NEGR1: variants seen among roughly 807,000 people sequenced by gnomAD.
The protein encoded by NEGR1 is IgLON family member 4.
Under a neutral mutation model 40.9 loss-of-function variants are expected in NEGR1, and 10 were observed. The observed-to-expected ratio is 0.24, with a 90% CI of 0.15 to 0.42. NEGR1 has a LOEUF of 0.42. Ranked by LOEUF, NEGR1 falls within the 10% of genes least tolerant of loss-of-function variation. The probability of loss-of-function intolerance (pLI) is 1.00; values close to 1 mark genes in which losing one functional copy is unlikely to be tolerated. For missense variants in NEGR1, 352 were observed against 438.9 expected (o/e 0.80, Z 1.77); for synonymous variants, 185 against 166.8 (o/e 1.11, Z -0.84).
chr1:71,995,303 C>T (rs541548729), intron 1 of NEGR1, among the ~76,000 whole-genome samples: 1 of 152,212 alleles, frequency 6.6e-6, no homozygotes, highest in Admixed American at 6.5e-5. Flanking sequence ...ACTTAAACCC[C>T]TTCGTGCCAT....
intron 1 of NEGR1, among the ~76,000 whole-genome samples, chr1:71,961,727 C>G (rs1646166704): frequency 6.6e-6 from 1 of 152,028 alleles, no homozygotes; most frequent in African/African-American, 2.4e-5. Context: ...AATCTTTCAT[C>G]TTATACCTCT....
chr1:72,016,524 A>G (rs1467932516), intron 1 of NEGR1, among the ~76,000 whole-genome samples: 1 of 152,182 alleles, frequency 6.6e-6, no homozygotes, highest in Non-Finnish European at 1.5e-5. Context: ...AATAGACTGG[A>G]AAGTTTTTAA....
At chr1:72,281,859 G>C (rs1656266462) in intron 1 of NEGR1, among the ~76,000 whole-genome samples, 1 of 152,108 alleles carries the variant, frequency 6.6e-6, no homozygotes, top group South Asian at 2.1e-4. Flanking sequence ...GAAAGATAAA[G>C]AGCAAGAAAT....
At chr1:72,069,990 G>A (rs1385019709) in intron 1 of NEGR1, among the ~76,000 whole-genome samples, 1 of 151,922 alleles carries the variant, frequency 6.6e-6, no homozygotes, top group African/African-American at 2.4e-5. Context: ...CACATGACCA[G>A]GCATGGTTCT....
At chr1:71,970,555 G>GGTGCCT (rs1646247453) in intron 1 of NEGR1, among the ~76,000 whole-genome samples, 1 of 152,016 alleles carries the variant, frequency 6.6e-6, no homozygotes, top group Non-Finnish European at 1.5e-5. Context: ...AGCCAGGCAT[G>GGTGCCT]GTAGTGCGTG....
At chr1:71,963,381 C>T (rs1262773914) in intron 1 of NEGR1, among the ~76,000 whole-genome samples, 1 of 152,138 alleles carries the variant, frequency 6.6e-6, no homozygotes, top group African/African-American at 2.4e-5. Context: ...AGAACTGTTA[C>T]TATTCACGTC....
At chr1:71,962,656 T>C (rs1005999557) in intron 1 of NEGR1, among the ~76,000 whole-genome samples, 8 of 152,098 alleles carry the variant, frequency 5.3e-5, no homozygotes, top group Non-Finnish European at 1.0e-4. Flanking sequence ...TATCTCATTA[T>C]AGCATTTACA....
intron 1 of NEGR1, among the ~76,000 whole-genome samples, chr1:72,244,502 C>A (rs530095008): frequency 2.0e-5 from 3 of 151,980 alleles, no homozygotes; most frequent in African/African-American, 7.2e-5. Context: ...TGTAAACACA[C>A]ACATATATAC....
chr1:72,149,386 A>C (rs1057018836), intron 1 of NEGR1, among the ~76,000 whole-genome samples: 22 of 152,180 alleles, frequency 1.4e-4, no homozygotes, highest in Non-Finnish European at 2.2e-4. Flanking sequence ...AAATCATATC[A>C]GTTCATAAAA....
intron 2 of NEGR1, among the ~76,000 whole-genome samples, chr1:71,792,144 G>A (rs1457616060): frequency 6.6e-6 from 1 of 152,058 alleles, no homozygotes; most frequent in African/African-American, 2.4e-5. Flanking sequence ...AGTTTCACAG[G>A]CCCAAATAAG....
chr1:72,204,239 T>C (rs1653314775), intron 1 of NEGR1, among the ~76,000 whole-genome samples: 1 of 152,060 alleles, frequency 6.6e-6, no homozygotes, highest in African/African-American at 2.4e-5. Flanking sequence ...ATCACAAAGA[T>C]TATTCAATTG....
intron 6 of NEGR1, among the ~76,000 whole-genome samples, chr1:71,423,714 A>G (rs941146947): frequency 2.0e-5 from 3 of 152,078 alleles, no homozygotes; most frequent in Non-Finnish European, 4.4e-5. Context: ...TCACATTATA[A>G]TTATCAAACT....
intron 1 of NEGR1, among the ~76,000 whole-genome samples, chr1:72,238,513 T>C (rs374887153): frequency 4.5e-4 from 69 of 151,956 alleles, no homozygotes; most frequent in South Asian, 4.1e-3. Context: ...GGGACCTTAA[T>C]GACAGCCCAC....
At chr1:72,072,772 T>C (rs1647525409) in intron 1 of NEGR1, among the ~76,000 whole-genome samples, 1 of 152,096 alleles carries the variant, frequency 6.6e-6, no homozygotes, top group Non-Finnish European at 1.5e-5. Context: ...GAAAGAGAAC[T>C]CCCTTTGTGT....
rs560010606 is a variant in NEGR1 at position 71,670,344 on chromosome 1, T to TTG, written c.667+27662_667+27663dup. ...TCTTTTGAAGATATTGTGTGTGTGT[T>TTG]TGTGTGTGTGTGTGGTTGTTTTTAA... On this transcript the variant is annotated intron_variant, in intron 4 of 6. Transcript: ENST00000357731. 6.4e-4 allele frequency among the ~76,000 whole-genome samples: 97 copies of TTG among 151,572 alleles called. No homozygotes were observed. In the East Asian group the frequency reaches 0.014, roughly 22 times the overall value.
At chr1:71,458,611 G>C (rs558486956) in intron 6 of NEGR1, among the ~76,000 whole-genome samples, 13 of 152,242 alleles carry the variant, frequency 8.5e-5, no homozygotes, top group African/African-American at 3.1e-4. Context: ...TGGAGGTTGG[G>C]ATTCCATCTC....
chr1:71,527,577 C>G (rs146105421), intron 6 of NEGR1, among the ~76,000 whole-genome samples: 2 of 151,650 alleles, frequency 1.3e-5, no homozygotes, highest in East Asian at 3.9e-4. Context: ...ATTTTCACCC[C>G]TCTCTATTCC....
intron 2 of NEGR1, among the ~76,000 whole-genome samples, chr1:71,783,336 T>C (rs1340519475): frequency 6.6e-6 from 1 of 152,150 alleles, no homozygotes; most frequent in Non-Finnish European, 1.5e-5. Flanking sequence ...ACAAACCTCC[T>C]GGAAAAGGTG....
intron 1 of NEGR1, among the ~76,000 whole-genome samples, chr1:72,209,704 C>A (rs1473297179): frequency 6.6e-6 from 1 of 151,736 alleles, no homozygotes; most frequent in Non-Finnish European, 1.5e-5. Flanking sequence ...TTAACATTGT[C>A]TTTCAAAGTA....
Sources: allele counts gnomAD v4.1 joint callset (sites outside exome capture counted in the v4.1 genomes callset), GRCh38; gene constraint gnomAD v4.1.1; transcripts MANE v1.5; gene names NCBI Gene and HGNC (gene_info 2026-07-23, HGNC 2026-07-21).